NAALADL2: variants seen among roughly 807,000 people sequenced by gnomAD.
NAALADL2 encodes the protein inactive N-acetylated-alpha-linked acidic dipeptidase-like protein 2.
A neutral mutation model predicts 87.2 loss-of-function variants in NAALADL2; 76 were observed. The ratio of observed to expected loss-of-function variants is 0.87; its 90% confidence interval spans 0.72 to 1.05. The LOEUF (loss-of-function observed/expected upper bound fraction) is 1.05, where lower values mean the gene tolerates loss of function less well. Among genes scored for constraint, NAALADL2 ranks in the 50% least tolerant of loss-of-function variants. The probability of loss-of-function intolerance (pLI) is 0.00; values close to 1 mark genes in which losing one functional copy is unlikely to be tolerated. For missense variants in NAALADL2, 1,089 were observed against 945.8 expected (o/e 1.15, Z -1.99); for synonymous variants, 354 against 331.0 (o/e 1.07, Z -0.75).
chr3:174,677,284 A>G (rs1046534802), intron 2 of NAALADL2, among the ~76,000 whole-genome samples: 6 of 152,004 alleles, frequency 3.9e-5, no homozygotes, highest in Non-Finnish European at 8.8e-5. Flanking sequence ...CATCATATTT[A>G]AAGTCCTCTC....
At chr3:175,366,031 C>G (rs1180673529) in intron 5 of NAALADL2, among the ~76,000 whole-genome samples, 14 of 91,534 alleles carry the variant, frequency 1.5e-4, no homozygotes, top group South Asian at 5.0e-4. Context: ...TCCCCCCACC[C>G]CAGAGTGTGA....
At chr3:175,686,717 C>T (rs900254956) in intron 11 of NAALADL2, among the ~76,000 whole-genome samples, 5 of 152,078 alleles carry the variant, frequency 3.3e-5, no homozygotes, top group African/African-American at 9.7e-5. Flanking sequence ...TGGTTTCAAA[C>T]AGCTTCCTTG....
At chr3:175,527,770 T>A (rs2149436582) in intron 9 of NAALADL2, among the ~76,000 whole-genome samples, 1 of 152,332 alleles carries the variant, frequency 6.6e-6, no homozygotes, top group Non-Finnish European at 1.5e-5. Flanking sequence ...TCTAATAGAT[T>A]AAGATTTTAT....
At chr3:175,719,972 C>T (rs1051432083) in intron 11 of NAALADL2, among the ~76,000 whole-genome samples, 1 of 152,134 alleles carries the variant, frequency 6.6e-6, no homozygotes, top group African/African-American at 2.4e-5. Flanking sequence ...GAGAGTTCTG[C>T]CTTCATGTTC....
At chr3:174,992,788 A>G (rs1325079443) in intron 1 of NAALADL2, among the ~76,000 whole-genome samples, 1 of 152,182 alleles carries the variant, frequency 6.6e-6, no homozygotes, top group Non-Finnish European at 1.5e-5. Flanking sequence ...ATTTTGGAAT[A>G]CAGTTAAATA....
intron 2 of NAALADL2, among the ~76,000 whole-genome samples, chr3:175,230,685 C>T (rs115014363): frequency 0.023 from 3,481 of 151,892 alleles, 69 homozygotes; most frequent in Middle Eastern, 0.065. Flanking sequence ...GAGCTAAACA[C>T]ATAATGAAAT....
chr3:174,868,576 C>A (rs967813134), intron 1 of NAALADL2, among the ~76,000 whole-genome samples: 1 of 151,576 alleles, frequency 6.6e-6, no homozygotes, highest in Non-Finnish European at 1.5e-5. Flanking sequence ...TAGTGGGATT[C>A]GAAAAAAGAA....
intron 12 of NAALADL2, among the ~76,000 whole-genome samples, chr3:175,741,873 C>T (rs1341213405): frequency 3.3e-5 from 5 of 152,102 alleles, no homozygotes; most frequent in African/African-American, 1.2e-4. Context: ...ATTTTGCCAA[C>T]GTTAATGACG....
At chr3:174,455,448 C>T (rs1271448453) in intron 1 of NAALADL2, among the ~76,000 whole-genome samples, 9 of 152,104 alleles carry the variant, frequency 5.9e-5, no homozygotes, top group Admixed American at 5.9e-4. Flanking sequence ...AGGCCAACAT[C>T]CTTGATGCAC....
At chr3:175,339,727 T>C (rs1398508658) in intron 5 of NAALADL2, among the ~76,000 whole-genome samples, 1 of 152,194 alleles carries the variant, frequency 6.6e-6, no homozygotes, top group Non-Finnish European at 1.5e-5. Context: ...AGAGGACTCA[T>C]GGATACCCTA....
chr3:174,781,821 A>G (rs1446718633), intron 3 of NAALADL2, among the ~76,000 whole-genome samples: 1 of 152,042 alleles, frequency 6.6e-6, no homozygotes, highest in African/African-American at 2.4e-5. Flanking sequence ...AAATAGGCAG[A>G]CCTTGTGCAA....
At chr3:174,991,374 A>G (rs1254770700) in intron 1 of NAALADL2, among the ~76,000 whole-genome samples, 1 of 152,038 alleles carries the variant, frequency 6.6e-6, no homozygotes, top group Non-Finnish European at 1.5e-5. Flanking sequence ...TTACCTACTG[A>G]TTTTTCATTT....
At chr3:175,089,174 T>TAA (rs1346091965) in intron 1 of NAALADL2, among the ~76,000 whole-genome samples, 1 of 151,724 alleles carries the variant, frequency 6.6e-6, no homozygotes, top group Non-Finnish European at 1.5e-5. Flanking sequence ...GGAGGGAAAA[T>TAA]AAAAAGATCT....
At chr3:174,486,395 C>T (rs935526609) in intron 1 of NAALADL2, among the ~76,000 whole-genome samples, 8 of 152,024 alleles carry the variant, frequency 5.3e-5, no homozygotes, top group African/African-American at 1.9e-4. Flanking sequence ...GTATGGGGCC[C>T]CTCGATGGCT....
At chr3:174,582,746 T>C (rs911397505) in intron 2 of NAALADL2, among the ~76,000 whole-genome samples, 1 of 152,122 alleles carries the variant, frequency 6.6e-6, no homozygotes, top group Non-Finnish European at 1.5e-5. Context: ...CATGCCTGAC[T>C]AATTTTTATA....
intron 2 of NAALADL2, among the ~76,000 whole-genome samples, chr3:174,598,733 C>T (rs375311544): frequency 6.6e-6 from 1 of 151,980 alleles, no homozygotes; most frequent in Admixed American, 6.6e-5. Flanking sequence ...AAAGAGAAGT[C>T]GACTCAGACA....
chr3:175,274,433 C>A (rs1389695915), intron 4 of NAALADL2, among the ~76,000 whole-genome samples: 1 of 152,228 alleles, frequency 6.6e-6, no homozygotes, highest in Non-Finnish European at 1.5e-5. Context: ...CAGTCTTTTA[C>A]ATTTCAAACT....
At chr3:174,521,596 A>AG (rs1720299545) in intron 1 of NAALADL2, among the ~76,000 whole-genome samples, 3 of 133,870 alleles carry the variant, frequency 2.2e-5, no homozygotes, top group African/African-American at 8.3e-5. Context: ...AAAAAAAAAA[A>AG]GAAAAGAAAA....
chr3:174,660,115 T>A (rs1456355429), intron 2 of NAALADL2, among the ~76,000 whole-genome samples: 1 of 152,158 alleles, frequency 6.6e-6, no homozygotes, highest in East Asian at 1.9e-4. Context: ...ATGTAGCTAC[T>A]GTTCTGGAAT....
Sources: gnomAD v4.1 joint callset for allele counts (sites outside exome capture counted in the v4.1 genomes callset) on GRCh38, gnomAD v4.1.1 for gene constraint, MANE v1.5 for transcripts, NCBI Gene and HGNC (gene_info 2026-07-23, HGNC 2026-07-21) for gene names.